The following MDGA2 variants were observed in gnomAD, a reference collection of about 807,000 sequenced individuals.
MDGA2 encodes the protein MAM domain containing glycosylphosphatidylinositol anchor 2, also known as MAM domain-containing glycosylphosphatidylinositol anchor protein 2.
Under a neutral mutation model 117.8 loss-of-function variants are expected in MDGA2, and 40 were observed. The observed-to-expected ratio is 0.34, with a 90% CI of 0.26 to 0.44. The LOEUF (loss-of-function observed/expected upper bound fraction) is 0.44. MDGA2 is among the 20% of genes least tolerant of loss of function. MDGA2 has a pLI of 1.00. For synonymous variants in MDGA2, 452 were observed against 439.0 expected, an observed-to-expected ratio of 1.03 and a Z score of -0.37; for missense variants, 1,123 against 1,250.6, an observed-to-expected ratio of 0.90 and a Z score of 1.54.
At chr14:47,460,228 C>T (rs1893453908) in intron 1 of MDGA2, among the ~76,000 whole-genome samples, 1 of 152,034 alleles carries the variant, frequency 6.6e-6, no homozygotes, top group Admixed American at 6.6e-5. Context: ...TTAGGCATTA[C>T]AAACTTTGAT....
intron 5 of MDGA2, among the ~76,000 whole-genome samples, chr14:47,130,598 CT>C (rs1882154816): frequency 6.6e-6 from 1 of 152,084 alleles, no homozygotes; most frequent in Non-Finnish European, 1.5e-5. Flanking sequence ...TAGGTTTAAT[CT>C]TTTTATCAAC....
At chr14:47,664,471 T>C (rs768274991) in intron 1 of MDGA2, among the ~76,000 whole-genome samples, 7 of 152,222 alleles carry the variant, frequency 4.6e-5, no homozygotes, top group Non-Finnish European at 1.0e-4. Context: ...TAGTTTCTTA[T>C]TCTTGCTAAT....
At chr14:47,008,108 TA>T (rs1887772582) in intron 8 of MDGA2, among the ~76,000 whole-genome samples, 1 of 151,908 alleles carries the variant, frequency 6.6e-6, no homozygotes, top group Non-Finnish European at 1.5e-5. Flanking sequence ...GAATATTCCA[TA>T]ATGGATAAAT....
chr14:47,026,213 G>A (rs1164465440), intron 8 of MDGA2, among the ~76,000 whole-genome samples: 1 of 152,234 alleles, frequency 6.6e-6, no homozygotes, highest in African/African-American at 2.4e-5. Context: ...ACTGCCTGTA[G>A]GTGGATTAAA....
At chr14:47,175,265 T>A (rs1262257645) in intron 3 of MDGA2, among the ~76,000 whole-genome samples, 1 of 151,532 alleles carries the variant, frequency 6.6e-6, no homozygotes, top group African/African-American at 2.4e-5. Flanking sequence ...TTCCAATCAA[T>A]AGAAAAGGAG....
intron 1 of MDGA2, among the ~76,000 whole-genome samples, chr14:47,651,578 T>A (rs530490628): frequency 4.0e-5 from 6 of 149,544 alleles, no homozygotes; most frequent in African/African-American, 1.5e-4. Flanking sequence ...TAATCTGCTG[T>A]TTTTTTTTAG....
At chr14:46,881,216 C>T (rs1882446705) in intron 11 of MDGA2, among the ~76,000 whole-genome samples, 1 of 152,054 alleles carries the variant, frequency 6.6e-6, no homozygotes, top group South Asian at 2.1e-4. Context: ...CCCAAAAAGG[C>T]ATACAGAAAT....
intron 6 of MDGA2, among the ~76,000 whole-genome samples, chr14:47,077,845 A>T (rs956292706): frequency 6.6e-6 from 1 of 152,272 alleles, no homozygotes; most frequent in East Asian, 1.9e-4. Context: ...ATTAAAAAAA[A>T]GTTGTACAAG....
At chr14:47,375,186 T>C (rs946475574) in intron 1 of MDGA2, among the ~76,000 whole-genome samples, 2 of 148,900 alleles carry the variant, frequency 1.3e-5, no homozygotes, top group Non-Finnish European at 3.0e-5. Context: ...GACTTTCATA[T>C]ACAGTGCCTC....
At chr14:47,662,028 C>T (rs889413004) in intron 1 of MDGA2, among the ~76,000 whole-genome samples, 1 of 152,050 alleles carries the variant, frequency 6.6e-6, no homozygotes, top group Non-Finnish European at 1.5e-5. Flanking sequence ...TGAGCCACCG[C>T]ACCCAGCCAG....
In MDGA2 at chr14:47,030,684, G is replaced by A. The variant is rs141501887; in HGVS notation, c.1819+4327C>T. Reference sequence around the variant, plus strand: ...AATGAGCCAAATATTCAAAAAAATTGTATTATCATTCCAAAAAATGGGAAT... The same window carrying A: ...AATGAGCCAAATATTCAAAAAAATTATATTATCATTCCAAAAAATGGGAAT... On this transcript the variant is annotated intron_variant, in intron 8 of 16. Transcript: ENST00000399232. Among the ~76,000 whole-genome samples, 13 of 151,944 alleles carry A rather than the reference G, an allele frequency of 8.6e-5. No homozygotes were observed. The East Asian group carries it at 2.5e-3, about 29-fold the overall frequency.
intron 1 of MDGA2, among the ~76,000 whole-genome samples, chr14:47,561,912 G>A (rs1247912846): frequency 2.0e-5 from 3 of 152,140 alleles, no homozygotes; most frequent in Non-Finnish European, 4.4e-5. Flanking sequence ...TCAATGCCTA[G>A]TTTGTTGAGG....
At chr14:46,972,487 T>G (rs150395108) in intron 8 of MDGA2, among the ~76,000 whole-genome samples, 65 of 152,310 alleles carry the variant, frequency 4.3e-4, no homozygotes, top group Middle Eastern at 3.4e-3. Flanking sequence ...CTAGCACATT[T>G]CATATACTTA....
At chr14:47,576,831 C>T (rs761748988) in intron 1 of MDGA2, among the ~76,000 whole-genome samples, 1 of 152,132 alleles carries the variant, frequency 6.6e-6, no homozygotes, top group Non-Finnish European at 1.5e-5. Flanking sequence ...TCACTGCAGC[C>T]TCGACCTCCC....
chr14:47,515,668 A>G (rs1894736214), intron 1 of MDGA2, among the ~76,000 whole-genome samples: 1 of 152,140 alleles, frequency 6.6e-6, no homozygotes, highest in African/African-American at 2.4e-5. Context: ...TAAATAAGCC[A>G]CGGTGGGCAA....
rs78721022 is a variant in MDGA2, at chr14:46,966,433, A to G, written c.1820-8790T>C. Among the ~76,000 whole-genome samples, 518 of 152,324 alleles carry G rather than the reference A, an allele frequency of 3.4e-3. 4 individuals carry two copies. Among genetic ancestry groups the G allele is most frequent in the African/African-American group, 0.012 (489 of 41,582 alleles). ...AAGTTATCAATTAAAATAGAGGTTG[A>G]CCTACTCACACCATCATTTAAAATT... On this transcript the variant is annotated intron_variant, in intron 8 of 16. Coordinates refer to ENST00000399232, the MANE Select transcript of MDGA2 (RefSeq NM_001113498.3).
At chr14:47,475,274 A>G (rs1893813467) in intron 1 of MDGA2, among the ~76,000 whole-genome samples, 1 of 152,212 alleles carries the variant, frequency 6.6e-6, no homozygotes, top group Non-Finnish European at 1.5e-5. Context: ...CCACAATGAG[A>G]TACCATCTTG....
At chr14:46,936,440 T>C (rs936066731) in intron 9 of MDGA2, among the ~76,000 whole-genome samples, 2 of 152,146 alleles carry the variant, frequency 1.3e-5, no homozygotes, top group African/African-American at 2.4e-5. Context: ...GGAGATGTTA[T>C]ATGAATTTGA....
intron 1 of MDGA2, among the ~76,000 whole-genome samples, chr14:47,564,928 A>G (rs1233727954): frequency 3.9e-5 from 6 of 151,948 alleles, no homozygotes. Context: ...TGTATTTTGA[A>G]ATTCTTGTTG....
Sources: gnomAD v4.1 joint callset for allele counts (sites outside exome capture counted in the v4.1 genomes callset) on GRCh38, gnomAD v4.1.1 for gene constraint, MANE v1.5 for transcripts, NCBI Gene and HGNC (gene_info 2026-07-23, HGNC 2026-07-21) for gene names.